The following RGS9 variants were observed in gnomAD, a reference collection of about 807,000 sequenced individuals.
The protein encoded by RGS9 is regulator of G protein signaling 9.
Under a neutral mutation model 102.0 loss-of-function variants are expected in RGS9, and 78 were observed. The ratio of observed to expected loss-of-function variants is 0.76; its 90% CI spans 0.64 to 0.92. The LOEUF (loss-of-function observed/expected upper bound fraction) is 0.92. Among genes scored for constraint, RGS9 ranks in the 40% least tolerant of loss-of-function variants. The pLI is 0.00. For missense variants in RGS9, 833 were observed against 866.1 expected (o/e 0.96, Z 0.48); for synonymous variants, 353 against 318.6 (o/e 1.11, Z -1.15).
At chr17:65,207,838 G>A in intron 15 of RGS9, 84 bp from the exon 16 acceptor site, 2 of 945,468 alleles carry the variant, frequency 2.1e-6, no homozygotes, top group East Asian at 2.6e-5. Flanking sequence ...TACTGCCAAG[G>A]GAGGCTTGAA....
chr17:65,151,646 C>T (rs553969621), intron 1 of RGS9, among the ~76,000 whole-genome samples: 1 of 152,218 alleles, frequency 6.6e-6, no homozygotes, highest in Admixed American at 6.5e-5. Flanking sequence ...TACAGTCGAC[C>T]TTCCAAGGCA....
At chr17:65,186,337 C>T (rs1417651428) in intron 9 of RGS9, among the ~76,000 whole-genome samples, 3 of 151,846 alleles carry the variant, frequency 2.0e-5, no homozygotes, top group African/African-American at 4.8e-5. Flanking sequence ...CCCCACCCCC[C>T]ACCAAGTAAC....
At chr17:65,139,502 G>A (rs1277500018) in intron 1 of RGS9, among the ~76,000 whole-genome samples, 5 of 151,782 alleles carry the variant, frequency 3.3e-5, no homozygotes, top group Admixed American at 3.3e-4. Flanking sequence ...CAACAAAGCA[G>A]CCACAGGCAC....
rs1013409427 is a variant in RGS9, at chr17:65,177,757, A to G, written c.608A>G (p.Tyr203Cys). The change falls in exon 9 of 19, where the codon TAC (tyrosine) becomes TGC (cysteine). Residue 203 changes from tyrosine (Y) to cysteine (C), a missense_variant. By Grantham distance (194) the Tyr-to-Cys change is radical (BLOSUM62 -2). Around this residue, in one of 3 missense-constraint regions of RGS9, gnomAD observed 328 missense variants for 340.6 expected, o/e 0.96. Coordinates refer to ENST00000262406, the MANE Select transcript of RGS9 (RefSeq NM_003835.4). ...CCTGGAATGGACAATGTGCTGGACT[A>G]CGGCCTGGACCGAGTGACCAATCCG... ...CPPGMDNVLD[Y>C]GLDRVTNPNE... 2 of 1,614,192 alleles carry G rather than the reference A, an allele frequency of 1.2e-6. No individual in the cohort carries two copies. Among genetic ancestry groups the G allele is most frequent in the African/African-American group, 2.7e-5 (2 of 75,056 alleles).
rs9893450 is a variant in RGS9, at chr17:65,202,115, T to C, written c.1064+35T>C. 5.0e-3 allele frequency: 7,420 copies of C among 1,492,002 alleles called. 314 individuals carry two copies. The African/African-American group carries it at 0.091, about 18-fold the overall frequency. The allele number at this position is 1,492,002 out of a possible 1,614,324, so 92.4% of individuals were successfully genotyped here. On this transcript the variant is annotated intron_variant, in intron 14 of 18. Coordinates refer to ENST00000262406, the MANE Select transcript of RGS9 (RefSeq NM_003835.4). ...AGCCAGGGTGCTGGAAAGCCTTCCC[T>C]TGGGCCTCTGAGGACCACCCCATTG...
chr17:65,160,215 C>A lies in RGS9; in HGVS notation c.206-18C>A. On this transcript the variant is annotated intron_variant, in intron 3 of 18. Transcript: ENST00000262406. ...TCAGCCCTGCTCTTAACATCCATGT[C>A]TGAACTGCTTTTCCCAGAGGCACAG... 1 of 1,592,258 alleles carries A rather than the reference C, an allele frequency of 6.3e-7. No homozygotes were observed. Among genetic ancestry groups the A allele is most frequent in the Non-Finnish European group, 8.6e-7 (1 of 1,160,184 alleles).
intron 1 of RGS9, among the ~76,000 whole-genome samples, chr17:65,149,827 G>A (rs998831354): frequency 6.6e-6 from 1 of 152,200 alleles, no homozygotes; most frequent in African/African-American, 2.4e-5. Flanking sequence ...ATTTTATGGA[G>A]AGAAAGGAGA....
At chr17:65,155,252 T>C (rs1910726050) in intron 2 of RGS9, among the ~76,000 whole-genome samples, 1 of 152,224 alleles carries the variant, frequency 6.6e-6, no homozygotes, top group African/African-American at 2.4e-5. Flanking sequence ...CCTGAAGGCA[T>C]CCCTGACCCT....
At chr17:65,144,341 G>A (rs1475920735) in intron 1 of RGS9, among the ~76,000 whole-genome samples, 1 of 152,178 alleles carries the variant, frequency 6.6e-6, no homozygotes, top group Non-Finnish European at 1.5e-5. Flanking sequence ...AATGTGAGGA[G>A]CAGCGTGGGC....
At chr17:65,188,940 T>A (rs1598600407) in intron 9 of RGS9, 1 of 319,812 alleles carries the variant, frequency 3.1e-6, no homozygotes, top group Non-Finnish European at 5.8e-6. Context: ...TTAATCCATA[T>A]CTCAGACAGG....
Position 65,224,003 on chromosome 17 carries a change from C to A in RGS9, c.1408-999C>A, listed in dbSNP as rs188072515. On this transcript the variant is annotated intron_variant, in intron 17 of 18. Coordinates refer to ENST00000262406, the MANE Select transcript of RGS9 (RefSeq NM_003835.4). ...AACTCCTGACCTCAGGTTATCCACC[C>A]GCCTCAGCTTCCCAAAGTGCTGGGA... Among the ~76,000 whole-genome samples the A allele has an allele frequency of 6.5e-3, 984 of 152,062 alleles. 9 individuals carry two copies. Among genetic ancestry groups the A allele is most frequent in the African/African-American group, 0.023 (939 of 41,462 alleles).
Position 65,225,258 on chromosome 17 carries a change from A to G in RGS9, c.1664A>G (p.Glu555Gly). Reference sequence around the variant, plus strand: ...GCCCCCCGTGGGCCCTCTGTCACCGAGAGCAGCGAGGCCTCCCTCGACACC... The same window carrying G: ...GCCCCCCGTGGGCCCTCTGTCACCGGGAGCAGCGAGGCCTCCCTCGACACC... ...SMAPRGPSVT[E>G]SSEASLDTSW... The change falls in exon 18 of 19, where the codon GAG becomes GGG. Residue 555 changes from glutamate to glycine, a missense_variant. By Grantham distance (98) the Glu-to-Gly change is moderately conservative. Transcript: ENST00000262406. 6.2e-7 allele frequency: 1 copy of G among 1,608,972 alleles called. No individual in the cohort carries two copies. Among genetic ancestry groups the G allele is most frequent in the Non-Finnish European group, 8.5e-7 (1 of 1,179,906 alleles).
intron 9 of RGS9, among the ~76,000 whole-genome samples, chr17:65,178,809 T>G (rs1911745096): frequency 6.6e-6 from 1 of 152,208 alleles, no homozygotes; most frequent in Non-Finnish European, 1.5e-5. Flanking sequence ...CTGGCTCAGA[T>G]AGACAATTCT....
chr17:65,200,274 C>G (rs1912779099), intron 13 of RGS9, among the ~76,000 whole-genome samples: 1 of 151,776 alleles, frequency 6.6e-6, no homozygotes, highest in African/African-American at 2.4e-5. Flanking sequence ...TTGTGATCCG[C>G]CCCCCTCAGC....
chr17:65,223,686 T>C (rs1055015964), intron 17 of RGS9, among the ~76,000 whole-genome samples: 3 of 151,886 alleles, frequency 2.0e-5, no homozygotes, highest in African/African-American at 7.3e-5. Flanking sequence ...TTTTGTGCTC[T>C]GACTGTCCTG....
At chr17:65,145,676 T>G (rs1910331389) in intron 1 of RGS9, among the ~76,000 whole-genome samples, 1 of 152,132 alleles carries the variant, frequency 6.6e-6, no homozygotes, top group Admixed American at 6.6e-5. Flanking sequence ...ATTACAGGTG[T>G]GAGCCAGTGC....
chr17:65,172,929 T>TC (rs755574854), intron 8 of RGS9, among the ~76,000 whole-genome samples: 99 of 149,474 alleles, frequency 6.6e-4, no homozygotes, highest in Non-Finnish European at 1.2e-3. Flanking sequence ...TTTCTTTCTT[T>TC]CTTTTTTTTT....
chr17:65,176,505 C>CCAGGA (rs1567873243), intron 8 of RGS9, among the ~76,000 whole-genome samples: 9 of 152,190 alleles, frequency 5.9e-5, no homozygotes, highest in African/African-American at 2.2e-4. Flanking sequence ...GGCACCCAGA[C>CCAGGA]GTGCCTGACA....
chr17:65,198,126 T>C (rs1466478843), intron 13 of RGS9, among the ~76,000 whole-genome samples: 4 of 152,186 alleles, frequency 2.6e-5, no homozygotes, highest in Non-Finnish European at 4.4e-5. Flanking sequence ...TTCCAATGTG[T>C]GGTGATTGAC....
Sources: gnomAD v4.1 joint callset for allele counts (sites outside exome capture counted in the v4.1 genomes callset) on GRCh38, gnomAD v4.1.1 for gene constraint, gnomAD v4.1.1 regional missense constraint, MANE v1.5 for transcripts, NCBI Gene and HGNC (gene_info 2026-07-23, HGNC 2026-07-21) for gene names.